MID1: variants seen among roughly 807,000 people sequenced by gnomAD.
MID1 encodes the protein midline 1.
Under a neutral mutation model 40.4 loss-of-function variants are expected in MID1, and 7 were observed. The observed-to-expected ratio is 0.17, with a 90% CI of 0.10 to 0.33. MID1 has a LOEUF of 0.33. MID1 is among the 10% of genes least tolerant of loss of function. The pLI, the probability that MID1 is intolerant of heterozygous loss-of-function variation, is 1.00. For synonymous variants in MID1, 229 were observed against 221.2 expected (o/e 1.04, Z -0.31); for missense variants, 367 against 558.5 (o/e 0.66, Z 3.46).
intron 1 of MID1, among the ~76,000 whole-genome samples, chrX:10,709,689 T>G (rs1423118470): frequency 8.9e-6 from 1 of 112,457 alleles, no homozygotes; most frequent in Non-Finnish European, 1.9e-5. Context: ...ACATGCTGTT[T>G]ATTAACTATC....
intron 3 of MID1, among the ~76,000 whole-genome samples, chrX:10,503,703 T>C (rs764022275): frequency 1.8e-4 from 20 of 111,730 alleles, no homozygotes; most frequent in Non-Finnish European, 3.4e-4. Context: ...ATTCTACATA[T>C]TGATTATCCA....
chrX:10,741,015 A>T (rs2043520026), intron 1 of MID1, among the ~76,000 whole-genome samples: 1 of 112,312 alleles, frequency 8.9e-6, no homozygotes, highest in Non-Finnish European at 1.9e-5. Flanking sequence ...CAAGCATATT[A>T]GCAACTGATG....
At chrX:10,588,682 T>C (rs1285841477) in intron 1 of MID1, among the ~76,000 whole-genome samples, 1 of 110,660 alleles carries the variant, frequency 9.0e-6, no homozygotes, top group Non-Finnish European at 1.9e-5. Context: ...TCTGCCTCTC[T>C]CTTTCTGTCT....
At chrX:10,765,101 G>A (rs1003373048) in intron 1 of MID1, among the ~76,000 whole-genome samples, 1 of 111,419 alleles carries the variant, frequency 9.0e-6, no homozygotes, top group African/African-American at 3.3e-5. Flanking sequence ...GGAAAGGAAC[G>A]CACACTCTCC....
intron 1 of MID1, among the ~76,000 whole-genome samples, chrX:10,704,739 T>TACACACAC (rs1189463440): frequency 2.4e-4 from 20 of 82,182 alleles, no homozygotes; most frequent in African/African-American, 1.0e-3. Context: ...TATATATATA[T>TACACACAC]ACACACACAC....
At chrX:10,608,621 C>T (rs1301808910) in intron 1 of MID1, among the ~76,000 whole-genome samples, 1 of 111,131 alleles carries the variant, frequency 9.0e-6, no homozygotes, top group African/African-American at 3.3e-5. Flanking sequence ...CTGCCCAGTA[C>T]ATTTTTTTGC....
In MID1 at chrX:10,461,083, A is replaced by AATATATATAT. The variant is rs35175429; in HGVS notation, c.1286-1286_1286-1277dup. Among the ~76,000 whole-genome samples, 668 of 99,339 alleles carry AATATATATAT rather than the reference A, an allele frequency of 6.7e-3. 9 individuals carry two copies. The highest frequency in any genetic ancestry group is 0.023 in the African/African-American group (612 of 26,228). The allele number at this position is 99,339 out of a possible 115,157, so 86.3% of individuals were successfully genotyped here. On this transcript the variant is annotated intron_variant, in intron 7 of 9. Transcript: ENST00000317552. Reference sequence around the variant, plus strand: ...TTTTCAAGTACACATCAGTGAATTAAATATATATATATATATATGTATGTA... The same window carrying AATATATATAT: ...TTTTCAAGTACACATCAGTGAATTAAATATATATATATATATATATATATATATGTATGTA...
At chrX:10,652,140 T>C (rs1489077218) in intron 1 of MID1, among the ~76,000 whole-genome samples, 2 of 112,133 alleles carry the variant, frequency 1.8e-5, no homozygotes, top group African/African-American at 6.5e-5. Flanking sequence ...CTTAGTTTAT[T>C]ACTGGAAGTC....
chrX:10,465,187 T>TTATATATATATATA (rs1170214071), intron 7 of MID1, among the ~76,000 whole-genome samples: 18 of 48,067 alleles, frequency 3.7e-4, no homozygotes, highest in Non-Finnish European at 5.3e-4. Flanking sequence ...GTCTGAAATT[T>TTATATATATATATA]TATATATATA....
At chrX:10,521,627 C>T (rs1425788153) in intron 3 of MID1, among the ~76,000 whole-genome samples, 1 of 111,387 alleles carries the variant, frequency 9.0e-6, no homozygotes, top group Non-Finnish European at 1.9e-5. Context: ...ATTTGAAAAT[C>T]ACATAAAGGA....
chrX:10,670,389 A>G (rs1357673582), intron 1 of MID1, among the ~76,000 whole-genome samples: 1 of 111,747 alleles, frequency 8.9e-6, no homozygotes, highest in East Asian at 2.8e-4. Flanking sequence ...ATTCCATATT[A>G]TAGCTTCTAC....
At chrX:10,531,211 T>A (rs1230283752) in intron 2 of MID1, among the ~76,000 whole-genome samples, 1 of 111,859 alleles carries the variant, frequency 8.9e-6, no homozygotes, top group Non-Finnish European at 1.9e-5. Context: ...ATAGTTAATA[T>A]GAAAACACAC....
At chrX:10,561,935 G>A (rs1246222652) in intron 2 of MID1, among the ~76,000 whole-genome samples, 1 of 107,246 alleles carries the variant, frequency 9.3e-6, no homozygotes, top group Non-Finnish European at 1.9e-5. Context: ...GTTTATTGCA[G>A]TACTATTTAC....
intron 1 of MID1, among the ~76,000 whole-genome samples, chrX:10,734,384 C>T (rs1476351774): frequency 5.4e-5 from 6 of 110,179 alleles, no homozygotes; most frequent in Admixed American, 2.0e-4. Flanking sequence ...CTGGGGTCCA[C>T]TTGAGGGGGA....
chrX:10,595,574 TACC>T (rs1236206954), intron 1 of MID1, among the ~76,000 whole-genome samples: 2 of 111,584 alleles, frequency 1.8e-5, no homozygotes, highest in African/African-American at 6.5e-5. Flanking sequence ...AAAAGATAAA[TACC>T]ACATGATCTC....
chrX:10,787,415 G>A (rs1053855056), intron 1 of MID1, among the ~76,000 whole-genome samples: 126 of 104,178 alleles, frequency 1.2e-3, no homozygotes, highest in Middle Eastern at 0.01. Context: ...ATGTTTCCAC[G>A]TACTACTTGC....
At position 10,545,948 on chromosome X, in the gene MID1, G is replaced by C. The variant is rs1342182533; in HGVS notation, c.660+20940C>G. On this transcript the variant is annotated intron_variant, in intron 2 of 9. Transcript: ENST00000317552. ...GCTGCAGTAGATGAATAATAGATTT[G>C]AATAAGCTACAAGACATAGTTTAGA... is the stretch of plus-strand genomic sequence containing the variant. Among the ~76,000 whole-genome samples the C allele has an allele frequency of 3.6e-5, 4 of 111,009 alleles. No individual in the cohort carries two copies. In the South Asian group the frequency reaches 1.5e-3, roughly 43 times the overall value.
intron 1 of MID1, among the ~76,000 whole-genome samples, chrX:10,636,599 T>C (rs142077036): frequency 0.027 from 2,880 of 107,596 alleles, 55 homozygotes; most frequent in African/African-American, 0.059. Context: ...ACCTTACTAG[T>C]GTTCTCTTGA....
At chrX:10,741,616 G>A (rs2043524128) in intron 1 of MID1, among the ~76,000 whole-genome samples, 1 of 109,375 alleles carries the variant, frequency 9.1e-6, no homozygotes, top group Admixed American at 9.9e-5. Context: ...GGAGACAACT[G>A]TTCATAATTT....
Sources: allele counts gnomAD v4.1 joint callset (sites outside exome capture counted in the v4.1 genomes callset), GRCh38; gene constraint gnomAD v4.1.1; transcripts MANE v1.5; gene names NCBI Gene and HGNC (gene_info 2026-07-23, HGNC 2026-07-21).